MAS1: variants seen among roughly 807,000 people sequenced by gnomAD.
MAS1 encodes the protein MAS1 proto-oncogene, G protein-coupled receptor, also known as proto-oncogene Mas.
For synonymous variants in MAS1, 163 were observed against 164.2 expected, an observed-to-expected ratio of 0.99 and a Z score of 0.05; for missense variants, 387 against 409.7, an observed-to-expected ratio of 0.94 and a Z score of 0.48.
At chr6:159,891,234 G>A (rs1185199544) in intron 1 of MAS1, among the ~76,000 whole-genome samples, 101 bp downstream of exon 1, 1 of 152,146 alleles carries the variant, frequency 6.6e-6, no homozygotes, top group African/African-American at 2.4e-5. Context: ...TCTTTTCTGT[G>A]CTGGTTTTTC....
In MAS1 at chr6:159,917,139, T is replaced by C. The variant is rs1021386461; in HGVS notation, c.*9206T>C. Reference sequence around the variant, plus strand: ...CTGCAGCACGTCCATTTGACAATCCTGACCTCGGTGGTGGCAAATCTTCCT... The same window carrying C: ...CTGCAGCACGTCCATTTGACAATCCCGACCTCGGTGGTGGCAAATCTTCCT... On this transcript the variant is annotated 3_prime_UTR_variant, in exon 3 of 3. Coordinates refer to ENST00000674077, the MANE Select transcript of MAS1 (RefSeq NM_002377.4). 6.6e-6 allele frequency among the ~76,000 whole-genome samples: 1 copy of C among 152,198 alleles called. No individual in the cohort carries two copies. The highest frequency in any genetic ancestry group is 2.4e-5 in the African/African-American group (1 of 41,450).
rs1008371859 is a variant in MAS1, at chr6:159,911,328, CTTTTTTTTTTTTTTT to C, written c.*3405_*3419del. On this transcript the variant is annotated 3_prime_UTR_variant, in exon 3 of 3. Coordinates refer to ENST00000674077, the MANE Select transcript of MAS1 (RefSeq NM_002377.4). ...TTCTTTTTTCTTTTCTTTTCTTTTC[CTTTTTTTTTTTTTTT>C]TTTTTTTTTGAGACAGAGTCTTGCT... The C allele has an allele frequency of 8.9e-4, 84 of 94,514 alleles. No homozygotes were observed. Among genetic ancestry groups the C allele is most frequent in the African/African-American group, 3.6e-3 (81 of 22,296 alleles). The allele number at this position is 94,514 out of a possible 1,614,324, so 5.9% of individuals were successfully genotyped here.
Position 159,908,555 on chromosome 6 carries a change from T to G in MAS1, c.*622T>G, listed in dbSNP as rs1310078018. The G allele has an allele frequency of 6.9e-6, 1 of 145,178 alleles. No individual in the cohort carries two copies. The highest frequency in any genetic ancestry group is 2.6e-5 in the African/African-American group (1 of 38,708). 9.0% of individuals were successfully genotyped at this position (145,178 alleles called of 1,614,324 possible). A position where few individuals can be genotyped will look rare whatever the true frequency, so the allele number is the denominator to read the frequency against. On this transcript the variant is annotated 3_prime_UTR_variant, in exon 3 of 3. Transcript: ENST00000674077. ...CACACACACACACACAGCTCTATCA[T>G]GTACAGAAGTTATTATGTGTTTTTA...
rs1783020763 is a variant in MAS1, at chr6:159,916,186, CA to C, written c.*8255del. 1 of 152,228 alleles carries C rather than the reference CA, an allele frequency of 6.6e-6. No homozygotes were observed. 9.4% of individuals were successfully genotyped at this position (152,228 alleles called of 1,614,324 possible). A position where few individuals can be genotyped will look rare whatever the true frequency, so the allele number is the denominator to read the frequency against. ...AAATTCTGTGTAAACTTTCAAGCAT[CA>C]AGCAAATGTTAGTTATTTCTTGAGG... On this transcript the variant is annotated 3_prime_UTR_variant, in exon 3 of 3. Coordinates refer to ENST00000674077, the MANE Select transcript of MAS1 (RefSeq NM_002377.4).
At chr6:159,898,671 T>TCCTCCCC (rs1782788721) in intron 1 of MAS1, among the ~76,000 whole-genome samples, 1 of 9,886 alleles carries the variant, frequency 1.0e-4, no homozygotes, top group Admixed American at 1.2e-3. Context: ...TCCTCCTTCC[T>TCCTCCCC]CTTCCTCCTC....
chr6:159,916,551 GT>G lies in MAS1; in HGVS notation c.*8621del, dbSNP rs1195772005. Reference sequence around the variant, plus strand: ...ATTGTACTTTCAAGGCACTCGGTGTGTTTCTCAGGATGCTGGGCAGCCCATG... The same window carrying G: ...ATTGTACTTTCAAGGCACTCGGTGTGTTCTCAGGATGCTGGGCAGCCCATG... On this transcript the variant is annotated 3_prime_UTR_variant, in exon 3 of 3. Coordinates refer to ENST00000674077, the MANE Select transcript of MAS1 (RefSeq NM_002377.4). The G allele has an allele frequency of 6.6e-6, 1 of 152,198 alleles. No homozygotes were observed. The highest frequency in any genetic ancestry group is 1.5e-5 in the Non-Finnish European group (1 of 68,038). 9.4% of individuals were successfully genotyped at this position (152,198 alleles called of 1,614,324 possible). A position where few individuals can be genotyped will look rare whatever the true frequency, so the allele number is the denominator to read the frequency against.
rs1430678160 is a variant in MAS1 at position 159,908,257 on chromosome 6, C to A, written c.*324C>A. 1 of 184,908 alleles carries A rather than the reference C, an allele frequency of 5.4e-6. No individual in the cohort carries two copies. The highest frequency in any genetic ancestry group is 1.2e-4 in the East Asian group (1 of 8,298). The allele number at this position is 184,908 out of a possible 1,614,324, so 11.5% of individuals were successfully genotyped here. On this transcript the variant is annotated 3_prime_UTR_variant, in exon 3 of 3. Coordinates refer to ENST00000674077, the MANE Select transcript of MAS1 (RefSeq NM_002377.4). Reference sequence around the variant, plus strand: ...AACTATTTGTTGGAACTTGAGGAGGCAGCTTGATGTAGCAGGAAGAACAAG... The same window carrying A: ...AACTATTTGTTGGAACTTGAGGAGGAAGCTTGATGTAGCAGGAAGAACAAG...
chr6:159,889,709 T>G (rs867778416), upstream of MAS1, among the ~76,000 whole-genome samples: 1 of 152,214 alleles, frequency 6.6e-6, no homozygotes, highest in Non-Finnish European at 1.5e-5. Context: ...AACCAGGTAA[T>G]GAGAACACCT....
rs768013492 is a variant in MAS1 at position 159,907,868 on chromosome 6, G to A, written c.913G>A (p.Asp305Asn). 10 of 1,611,458 alleles carry A rather than the reference G, an allele frequency of 6.2e-6. No homozygotes were observed. In the South Asian group the frequency reaches 9.9e-5, roughly 16 times the overall value. The change falls in exon 3 of 3, where the codon GAT becomes AAT. Residue 305 changes from aspartate to asparagine, a missense_variant. Physicochemically the swap from Asp to Asn is conservative, Grantham distance 23. Coordinates refer to ENST00000674077, the MANE Select transcript of MAS1 (RefSeq NM_002377.4). ...AGTTGTTCTGACCAGGGCTTTCAAA[G>A]ATGAAATGCAACCTCGGCGCCAGAA... ...LKVVLTRAFKDEMQPRRQKDN... is the reference protein window; with the variant it reads ...LKVVLTRAFKNEMQPRRQKDN...
intron 2 of MAS1, among the ~76,000 whole-genome samples, chr6:159,903,918 G>A (rs1342348519): frequency 6.6e-6 from 1 of 152,118 alleles, no homozygotes; most frequent in African/African-American, 2.4e-5. Flanking sequence ...CATTCATTTT[G>A]TCCAGTCTAC....
At position 159,911,145 on chromosome 6, in the gene MAS1, G is replaced by T. The variant is rs1782959749; in HGVS notation, c.*3212G>T. 2 of 151,800 alleles carry T rather than the reference G, an allele frequency of 1.3e-5. No homozygotes were observed. The highest frequency in any genetic ancestry group is 4.8e-5 in the African/African-American group (2 of 41,282). 9.4% of individuals were successfully genotyped at this position (151,800 alleles called of 1,614,324 possible). On this transcript the variant is annotated 3_prime_UTR_variant, in exon 3 of 3. Transcript: ENST00000674077. Reference sequence around the variant, plus strand: ...CTCCTCTTTCTGAGAAATCTCCCTGGATCCTGATCCATAATCACCTGCTTA... The same window carrying T: ...CTCCTCTTTCTGAGAAATCTCCCTGTATCCTGATCCATAATCACCTGCTTA...
Position 159,907,978 on chromosome 6 carries a change from AT to A in MAS1, c.*50del, listed in dbSNP as rs762722406. The A allele has an allele frequency of 1.3e-6, 2 of 1,536,814 alleles. No homozygotes were observed. The highest frequency in any genetic ancestry group is 4.5e-5 in the East Asian group (2 of 44,128). On this transcript the variant is annotated 3_prime_UTR_variant, in exon 3 of 3. Transcript: ENST00000674077. ...GGATAAAAATGGTGGAACACAGGTC[AT>A]TTTTAGTTTGTGCTTGGAATATGAC...
At chr6:159,897,068 G>T (rs1782762007) in intron 1 of MAS1, among the ~76,000 whole-genome samples, 1 of 152,082 alleles carries the variant, frequency 6.6e-6, no homozygotes, top group Non-Finnish European at 1.5e-5. Context: ...TAGAGACGGG[G>T]TTTCACCATG....
At position 159,907,243 on chromosome 6, in the gene MAS1, G is replaced by A. The variant is rs1465139304; in HGVS notation, c.288G>A (p.Glu96=). The A allele has an allele frequency of 6.2e-7, 1 of 1,614,152 alleles. No homozygotes were observed. The highest frequency in any genetic ancestry group is 1.3e-5 in the African/African-American group (1 of 75,036). Reference sequence around the variant, plus strand: ...CTATCGACTATGCTTTAGATTATGAGCTTTCTTCTGGCCATTACTACACAA... The same window carrying A: ...CTATCGACTATGCTTTAGATTATGAACTTTCTTCTGGCCATTACTACACAA... The part of the protein sequence containing the change: ...ILSIDYALDY[E]LSSGHYYTIV... Residue 96 remains glutamate, a synonymous_variant, in exon 3 of 3, where the codon GAG becomes GAA. Transcript: ENST00000674077.
intron 1 of MAS1, among the ~76,000 whole-genome samples, chr6:159,897,178 A>G (rs1159044581): frequency 6.6e-6 from 1 of 151,432 alleles, no homozygotes; most frequent in Non-Finnish European, 1.5e-5. Flanking sequence ...CCGGCCGGAG[A>G]CTGGGGTTTT....
rs573250935 is a variant in MAS1, at chr6:159,902,546, A to T, written c.-37+3154A>T. On this transcript the variant is annotated intron_variant, in intron 2 of 2. Coordinates refer to ENST00000674077, the MANE Select transcript of MAS1 (RefSeq NM_002377.4). ...ATTAGGCTAAATAAAGTATGTTATT[A>T]AAATGGATTTTGCTGGTTTCTTTTT... The T allele has an allele frequency of 3.3e-5, 5 of 152,364 alleles. No homozygotes were observed. In the South Asian group the frequency reaches 1.0e-3, roughly 32 times the overall value. 9.4% of individuals were successfully genotyped at this position (152,364 alleles called of 1,614,324 possible). A position where few individuals can be genotyped will look rare whatever the true frequency, so the allele number is the denominator to read the frequency against.
chr6:159,910,732 C>T lies in MAS1; in HGVS notation c.*2799C>T, dbSNP rs551745783. 1.7e-4 allele frequency: 26 copies of T among 152,192 alleles called. No homozygotes were observed. Among genetic ancestry groups the T allele is most frequent in the African/African-American group, 6.3e-4 (26 of 41,484 alleles). The allele number at this position is 152,192 out of a possible 1,614,324, so 9.4% of individuals were successfully genotyped here. A position where few individuals can be genotyped will look rare whatever the true frequency, so the allele number is the denominator to read the frequency against. ...CACAGCCCTTTCCAGTTTCTATCTC[C>T]CCTCCCTCCCTTCCTTCCAAACCAC... On this transcript the variant is annotated 3_prime_UTR_variant, in exon 3 of 3. Coordinates refer to ENST00000674077, the MANE Select transcript of MAS1 (RefSeq NM_002377.4).
intron 1 of MAS1, among the ~76,000 whole-genome samples, chr6:159,893,018 G>T (rs1351523560): frequency 6.6e-6 from 1 of 152,170 alleles, no homozygotes; most frequent in Non-Finnish European, 1.5e-5. Flanking sequence ...GCAGCCGTAG[G>T]CACAAGCAGA....
Position 159,908,179 on chromosome 6 carries a change from T to C in MAS1, c.*246T>C, listed in dbSNP as rs939492687. On this transcript the variant is annotated 3_prime_UTR_variant, in exon 3 of 3. Transcript: ENST00000674077. ...TTTGGCAGCATCTTACCATGAACCA[T>C]AAAAATGACTTTTGCAGGAAGATTT... 4 of 356,374 alleles carry C rather than the reference T, an allele frequency of 1.1e-5. No homozygotes were observed. The highest frequency in any genetic ancestry group is 9.1e-5 in the Admixed American group (2 of 22,014). 22.1% of individuals were successfully genotyped at this position (356,374 alleles called of 1,614,324 possible).
Sources: allele counts gnomAD v4.1 joint callset (sites outside exome capture counted in the v4.1 genomes callset), GRCh38; gene constraint gnomAD v4.1.1; transcripts MANE v1.5; gene names NCBI Gene and HGNC (gene_info 2026-07-23, HGNC 2026-07-21).